CADM1: variants seen among roughly 807,000 people sequenced by gnomAD.
CADM1 encodes cell adhesion molecule 1.
Under a neutral mutation model 53.1 loss-of-function variants are expected in CADM1, and 15 were observed. The ratio of observed to expected loss-of-function variants is 0.28; its 90% CI spans 0.19 to 0.44. The LOEUF is 0.44. Ranked by LOEUF, CADM1 falls within the 20% of genes least tolerant of loss-of-function variation. The pLI is 1.00. For missense variants in CADM1, 434 were observed against 611.3 expected (o/e 0.71, Z 3.06); for synonymous variants, 281 against 243.0 (o/e 1.16, Z -1.45).
At chr11:115,295,506 T>TTTTATATATATATA (rs1489851434) in intron 1 of CADM1, among the ~76,000 whole-genome samples, 1 of 55,056 alleles carries the variant, frequency 1.8e-5, no homozygotes, top group Non-Finnish European at 3.1e-5. Flanking sequence ...TCAAGATATT[T>TTTTATATATATATA]TATATATATA....
rs1442891108 is a variant in CADM1 at position 115,305,129 on chromosome 11, G to A, written c.125-64709C>T. 1.4e-4 allele frequency among the ~76,000 whole-genome samples: 12 copies of A among 86,546 alleles called. 1 individual carries two copies. The East Asian group carries it at 7.8e-3, about 56-fold the overall frequency. 56.8% of individuals were successfully genotyped at this position (86,546 alleles called of 152,430 possible). On this transcript the variant is annotated intron_variant, in intron 1 of 11. Transcript: ENST00000331581. Reference sequence around the variant, plus strand: ...TAAGTGGGGAAACCAACTTCTGAGAGATAACACCGAAATCCAAATCACCCG... The same window carrying A: ...TAAGTGGGGAAACCAACTTCTGAGAAATAACACCGAAATCCAAATCACCCG...
At chr11:115,409,702 C>T (rs929755310) in intron 1 of CADM1, among the ~76,000 whole-genome samples, 2 of 151,090 alleles carry the variant, frequency 1.3e-5, no homozygotes, top group African/African-American at 4.9e-5. Flanking sequence ...ACCCTCAAGA[C>T]GATCTTCCTC....
intron 1 of CADM1, among the ~76,000 whole-genome samples, chr11:115,392,128 C>T (rs1197701980): frequency 6.6e-6 from 1 of 152,068 alleles, no homozygotes; most frequent in Non-Finnish European, 1.5e-5. Flanking sequence ...TACTCCTAGT[C>T]CTTCTTACCT....
Position 115,395,457 on chromosome 11 carries a change from T to C in CADM1, c.124+108814A>G, listed in dbSNP as rs139279188. 2.8e-3 allele frequency among the ~76,000 whole-genome samples: 429 copies of C among 152,246 alleles called. 2 individuals are homozygous for C. Among genetic ancestry groups the C allele is most frequent in the African/African-American group, 9.6e-3 (399 of 41,534 alleles). On this transcript the variant is annotated intron_variant, in intron 1 of 11. Coordinates refer to ENST00000331581, the MANE Select transcript of CADM1 (RefSeq NM_001301043.2). ...TGTTTCTGAAGCTGGCTCAACAAAA[T>C]GCTGAAAAAAAATCATTATAGAGGT...
intron 1 of CADM1, among the ~76,000 whole-genome samples, chr11:115,334,055 T>C (rs1015203844): frequency 3.3e-5 from 5 of 152,174 alleles, no homozygotes; most frequent in African/African-American, 1.2e-4. Context: ...CAGCTGCATC[T>C]CTCATGACTT....
In CADM1 at chr11:115,504,295, A is replaced by C. The variant is rs777473830; in HGVS notation, c.100T>G (p.Ser34Ala). ...LRLRLLLLLF[S>A]AAALIPTGDG... ...CCTGTGGGGATCAGTGCCGCGGCGG[A>C]GAAGAGCAACAGCAGAAGCCGGAGC... Residue 34 changes from serine (S) to alanine (A), a missense_variant, in exon 1 of 12, where the codon TCC (serine) becomes GCC (alanine). Physicochemically the swap from Ser to Ala is moderately conservative, Grantham distance 99. This residue lies in a region of CADM1 where 76 missense variants were observed against 59.8 expected (regional missense o/e 1.27). Transcript: ENST00000331581. 68 of 1,567,366 alleles carry C rather than the reference A, an allele frequency of 4.3e-5. No homozygotes were observed. Among genetic ancestry groups the C allele is most frequent in the Non-Finnish European group, 5.4e-5 (63 of 1,156,944 alleles).
chr11:115,360,698 C>G (rs1325920361), intron 1 of CADM1, among the ~76,000 whole-genome samples: 2 of 152,146 alleles, frequency 1.3e-5, no homozygotes, highest in African/African-American at 4.8e-5. Context: ...CAGCAGAACC[C>G]CTAGACAGAA....
At chr11:115,273,024 G>A (rs887289603) in intron 1 of CADM1, among the ~76,000 whole-genome samples, 1 of 152,192 alleles carries the variant, frequency 6.6e-6, no homozygotes, top group Non-Finnish European at 1.5e-5. Flanking sequence ...GGCAGGTAGG[G>A]TCAATACCGG....
At chr11:115,478,196 T>G (rs1329892210) in intron 1 of CADM1, among the ~76,000 whole-genome samples, 9 of 152,134 alleles carry the variant, frequency 5.9e-5, no homozygotes, top group Admixed American at 5.2e-4. Flanking sequence ...GATCATATAA[T>G]TTTAAAATAA....
rs115411133 is a variant in CADM1, at chr11:115,374,947, A to T, written c.124+129324T>A. Among the ~76,000 whole-genome samples the T allele has an allele frequency of 2.2e-3, 338 of 152,302 alleles. 2 individuals are homozygous for T. Among genetic ancestry groups the T allele is most frequent in the African/African-American group, 7.3e-3 (304 of 41,574 alleles). On this transcript the variant is annotated intron_variant, in intron 1 of 11. Coordinates refer to ENST00000331581, the MANE Select transcript of CADM1 (RefSeq NM_001301043.2). ...GTTTTTTTCAAAGTAATAATAATAT[A>T]AGGCAATTACAGAATTTTAATACTG...
chr11:115,192,436 C>A lies in CADM1; in HGVS notation c.1112-1495G>T. Among the ~76,000 whole-genome samples the A allele has an allele frequency of 1.3e-5, 2 of 152,186 alleles. 1 individual carries two copies. Among genetic ancestry groups the A allele is most frequent in the Middle Eastern group, 6.3e-3 (2 of 316 alleles). On this transcript the variant is annotated intron_variant, in intron 9 of 11. Transcript: ENST00000331581. The stretch of plus-strand genomic sequence containing the variant: ...GAGGCAACTGAGTAGAGATGATATC[C>A]ATTTGTTCTGAAATCTGATTGGTTG...
At chr11:115,455,422 G>T (rs567040905) in intron 1 of CADM1, among the ~76,000 whole-genome samples, 36 of 151,946 alleles carry the variant, frequency 2.4e-4, no homozygotes, top group South Asian at 2.3e-3. Flanking sequence ...TATATAGAGA[G>T]AGAGAGAAAT....
At chr11:115,361,337 T>C (rs993727727) in intron 1 of CADM1, among the ~76,000 whole-genome samples, 2 of 152,204 alleles carry the variant, frequency 1.3e-5, no homozygotes, top group African/African-American at 2.4e-5. Flanking sequence ...AATGAAGTAG[T>C]ATCAGAGTTG....
chr11:115,491,335 G>C (rs1203764219), intron 1 of CADM1, among the ~76,000 whole-genome samples: 1 of 152,154 alleles, frequency 6.6e-6, no homozygotes, highest in African/African-American at 2.4e-5. Flanking sequence ...AGAGGCCGAG[G>C]TGGGCAGATC....
intron 1 of CADM1, among the ~76,000 whole-genome samples, chr11:115,449,835 G>C (rs534881531): frequency 1.3e-5 from 2 of 152,218 alleles, no homozygotes; most frequent in African/African-American, 2.4e-5. Context: ...ATATATTATA[G>C]TGACATACAC....
intron 1 of CADM1, among the ~76,000 whole-genome samples, chr11:115,338,091 A>G (rs189455231): frequency 9.8e-5 from 15 of 152,298 alleles, no homozygotes; most frequent in Non-Finnish European, 2.1e-4. Context: ...TCACACTTCT[A>G]CAAATGTTAG....
intron 3 of CADM1, among the ~76,000 whole-genome samples, chr11:115,232,261 G>A (rs1941846716): frequency 6.6e-6 from 1 of 152,106 alleles, no homozygotes; most frequent in South Asian, 2.1e-4. Context: ...AAAAATCTTT[G>A]AGTCCCTTAA....
intron 1 of CADM1, among the ~76,000 whole-genome samples, chr11:115,350,139 CTT>C (rs974057396): frequency 1.3e-5 from 2 of 151,906 alleles, no homozygotes; most frequent in African/African-American, 4.8e-5. Context: ...GACTGGCTAA[CTT>C]TGTATTTTTA....
intron 1 of CADM1, among the ~76,000 whole-genome samples, chr11:115,282,136 T>C (rs73574185): frequency 0.012 from 1,773 of 152,334 alleles, 26 homozygotes; most frequent in Middle Eastern, 0.051. Context: ...TAATGCTGAT[T>C]ACCATGAACC....
Sources: allele counts gnomAD v4.1 joint callset (sites outside exome capture counted in the v4.1 genomes callset), GRCh38; gene constraint gnomAD v4.1.1; regional missense constraint gnomAD v4.1.1; transcripts MANE v1.5; gene names NCBI Gene and HGNC (gene_info 2026-07-23, HGNC 2026-07-21).